RBM8A: variants seen among roughly 807,000 people sequenced by gnomAD.
RBM8A encodes the protein RNA-binding protein 8A.
Under a neutral mutation model 25.1 loss-of-function variants are expected in RBM8A, and 8 were observed. The observed-to-expected ratio is 0.32, with a 90% CI of 0.19 to 0.58. The LOEUF (loss-of-function observed/expected upper bound fraction) is 0.58, where lower values mean the gene tolerates loss of function less well. Ranked by LOEUF, RBM8A falls within the 20% of genes least tolerant of loss-of-function variation. RBM8A has a pLI of 0.88. For missense variants in RBM8A, 114 were observed against 236.8 expected, an observed-to-expected ratio of 0.48 and a Z score of 3.40; for synonymous variants, 66 against 80.0, an observed-to-expected ratio of 0.82 and a Z score of 0.94.
rs1647834005 is a variant in RBM8A at position 145,922,409 on chromosome 1, T to C, written c.*3473A>G. 1 of 152,338 alleles carries C rather than the reference T, an allele frequency of 6.6e-6. No individual in the cohort carries two copies. Among genetic ancestry groups the C allele is most frequent in the East Asian group, 1.9e-4 (1 of 5,192 alleles). The allele number at this position is 152,338 out of a possible 1,614,324, so 9.4% of individuals were successfully genotyped here. ...ACTTTTTGTTTCAGTCTGCCTGTTT[T>C]ACTTTGTTTTTTTCTGAGTCTCGGC... On this transcript the variant is annotated 3_prime_UTR_variant, in exon 6 of 6. Coordinates refer to ENST00000583313, the MANE Select transcript of RBM8A (RefSeq NM_005105.5).
At chr1:145,927,251 G>C in intron 1 of RBM8A, 109 bp downstream of exon 1, 2 of 1,466,802 alleles carry the variant, frequency 1.4e-6, no homozygotes, top group Non-Finnish European at 1.9e-6. Context: ...CCCAAGACCC[G>C]GTTCCTCGAT....
chr1:145,926,665 T>C (rs1249033501), intron 3 of RBM8A, 47 bp from the exon 4 acceptor site: 4 of 1,612,912 alleles, frequency 2.5e-6, no homozygotes, highest in African/African-American at 2.7e-5. Flanking sequence ...AGAGACACTT[T>C]AAGCAGGCTC....
At position 145,926,862 on chromosome 1, in the gene RBM8A, C is replaced by G. The variant is rs782807758; in HGVS notation, c.152G>C (p.Arg51Pro). Reference sequence around the variant, plus strand: ...CTGCTCCACGCTGTCATAATCCTCACGCATCCGCGCTCGGGACCCCTCTTC... The same window carrying G: ...CTGCTCCACGCTGTCATAATCCTCAGGCATCCGCGCTCGGGACCCCTCTTC... Reference protein sequence around the residue: ...GSEEGSRARMREDYDSVEQDG... With the variant: ...GSEEGSRARMPEDYDSVEQDG... Residue 51 changes from arginine (R) to proline (P), a missense_variant, in exon 3 of 6, where the codon CGT (arginine) becomes CCT (proline). Transcript: ENST00000583313. 2 of 1,614,154 alleles carry G rather than the reference C, an allele frequency of 1.2e-6. No individual in the cohort carries two copies. The highest frequency in any genetic ancestry group is 1.7e-6 in the Non-Finnish European group (2 of 1,180,030).
Position 145,926,632 on chromosome 1 carries a change from G to A in RBM8A, c.206-14C>T. 1 of 1,613,864 alleles carries A rather than the reference G, an allele frequency of 6.2e-7. No homozygotes were observed. Among genetic ancestry groups the A allele is most frequent in the South Asian group, 1.1e-5 (1 of 91,066 alleles). On this transcript the variant is annotated splice_polypyrimidine_tract_variant and intron_variant, in intron 3 of 5. Coordinates refer to ENST00000583313, the MANE Select transcript of RBM8A (RefSeq NM_005105.5). ...AGCCTTCAACAGCTGTTGGGGGACG[G>A]GGGGAAGTTGTATGAGTACATGAGA...
chr1:145,925,850 T>C lies in RBM8A; in HGVS notation c.*32A>G, dbSNP rs1648121069. 9 of 1,599,450 alleles carry C rather than the reference T, an allele frequency of 5.6e-6. No individual in the cohort carries two copies. The highest frequency in any genetic ancestry group is 7.7e-6 in the Non-Finnish European group (9 of 1,168,106). ...CAAGGCTGCATGGTCAAATGGAATCTTGAAGAGAACACCTGGACAACAGAG... is the reference window on the plus strand; with the variant it reads ...CAAGGCTGCATGGTCAAATGGAATCCTGAAGAGAACACCTGGACAACAGAG... On this transcript the variant is annotated 3_prime_UTR_variant, in exon 6 of 6. Transcript: ENST00000583313.
chr1:145,926,398 T>C, intron 4 of RBM8A, 84 bp downstream of exon 4: 1 of 1,551,786 alleles, frequency 6.4e-7, no homozygotes, highest in Non-Finnish European at 8.7e-7. Context: ...ACTTTGCTCT[T>C]GGCCAACCAC....
chr1:145,926,277 T>C (rs1648152273), intron 4 of RBM8A, 100 bp from the exon 5 acceptor site: 1 of 1,518,648 alleles, frequency 6.6e-7, no homozygotes, highest in Non-Finnish European at 9.0e-7. Flanking sequence ...ATCTACACAC[T>C]TTAAACAATG....
Position 145,926,751 on chromosome 1 carries a change from AT to A in RBM8A, c.205+57del, listed in dbSNP as rs1648182112. The stretch of plus-strand genomic sequence containing the variant: ...CATTCCTACTGCGTTTAACTATTTT[AT>A]TGGTTTCTAACTACTACCACAGACA... On this transcript the variant is annotated intron_variant, in intron 3 of 5. Transcript: ENST00000583313. 7 of 1,613,732 alleles carry A rather than the reference AT, an allele frequency of 4.3e-6. No homozygotes were observed. In the Admixed American group the frequency reaches 1.2e-4, roughly 27 times the overall value.
chr1:145,927,127 A>C (rs782492073), intron 1 of RBM8A, 50 bp from the exon 2 acceptor site: 1 of 1,597,886 alleles, frequency 6.3e-7, no homozygotes, highest in East Asian at 2.2e-5. Flanking sequence ...GTCATTTGTA[A>C]CAATCGTCTC....
intron 3 of RBM8A, 80 bp downstream of exon 3, chr1:145,926,729 T>C: frequency 6.2e-7 from 1 of 1,613,762 alleles, no homozygotes; most frequent in Non-Finnish European, 8.5e-7. Context: ...CTGAACCCAT[T>C]CCTACTGCGT....
chr1:145,927,205 C>G, intron 1 of RBM8A, 128 bp from the exon 2 acceptor site: 1 of 1,462,592 alleles, frequency 6.8e-7, no homozygotes, highest in Non-Finnish European at 9.4e-7. Flanking sequence ...CGGTCACGCC[C>G]TCCCTTCTCC....
chr1:145,927,287 A>G (rs1240292787), intron 1 of RBM8A, 73 bp downstream of exon 1: 1 of 1,531,302 alleles, frequency 6.5e-7, no homozygotes, highest in Non-Finnish European at 8.9e-7. Context: ...CGAGGAAAAA[A>G]GAGTAAATTT....
chr1:145,927,162 C>G, intron 1 of RBM8A, 85 bp from the exon 2 acceptor site: 1 of 1,541,952 alleles, frequency 6.5e-7, no homozygotes, highest in Non-Finnish European at 8.9e-7. Flanking sequence ...ACCAGCAAGC[C>G]GACCCACACC....
rs1327167813 is a variant in RBM8A at position 145,925,432 on chromosome 1, C to G, written c.*450G>C. On this transcript the variant is annotated 3_prime_UTR_variant, in exon 6 of 6. Transcript: ENST00000583313. Reference sequence around the variant, plus strand: ...CTAGCCCAGGTAACACAGCAAGACCCCATCTCTACAAAAATATTAAAAATT... The same window carrying G: ...CTAGCCCAGGTAACACAGCAAGACCGCATCTCTACAAAAATATTAAAAATT... The G allele has an allele frequency of 2.8e-6, 1 of 361,104 alleles. No homozygotes were observed. The highest frequency in any genetic ancestry group is 2.1e-5 in the African/African-American group (1 of 46,720). The allele number at this position is 361,104 out of a possible 1,614,324, so 22.4% of individuals were successfully genotyped here. A position where few individuals can be genotyped will look rare whatever the true frequency, so the allele number is the denominator to read the frequency against.
rs587661756 is a variant in RBM8A, at chr1:145,923,947, T to G, written c.*1935A>C. ...GTTCCAAGATTTAACAAACTTACTG[T>G]TCAGCATCATATTCAAGCCTAAAAG... On this transcript the variant is annotated 3_prime_UTR_variant, in exon 6 of 6. Transcript: ENST00000583313. 8.2e-6 allele frequency: 5 copies of G among 607,658 alleles called. No individual in the cohort carries two copies. In the South Asian group the frequency reaches 9.8e-5, roughly 12 times the overall value. 37.6% of individuals were successfully genotyped at this position (607,658 alleles called of 1,614,324 possible). A position where few individuals can be genotyped will look rare whatever the true frequency, so the allele number is the denominator to read the frequency against.
chr1:145,922,723 G>A lies in RBM8A; in HGVS notation c.*3159C>T, dbSNP rs1246721321. On this transcript the variant is annotated 3_prime_UTR_variant, in exon 6 of 6. Coordinates refer to ENST00000583313, the MANE Select transcript of RBM8A (RefSeq NM_005105.5). Reference sequence around the variant, plus strand: ...AAAATAAAAAATTTAATAATGTCACGTTAGAGTGGTAAGGGCTTAGGGGTA... The same window carrying A: ...AAAATAAAAAATTTAATAATGTCACATTAGAGTGGTAAGGGCTTAGGGGTA... 2.0e-5 allele frequency: 3 copies of A among 152,064 alleles called. No individual in the cohort carries two copies. Among genetic ancestry groups the A allele is most frequent in the Non-Finnish European group, 2.9e-5 (2 of 68,014 alleles). The allele number at this position is 152,064 out of a possible 1,614,324, so 9.4% of individuals were successfully genotyped here.
intron 1 of RBM8A, 140 bp from the exon 2 acceptor site, chr1:145,927,217 G>T: frequency 6.9e-7 from 1 of 1,452,856 alleles, no homozygotes; most frequent in South Asian, 1.2e-5. Flanking sequence ...CCCTTCTCCT[G>T]AAGGGGGCGG....
chr1:145,925,579 G>T lies in RBM8A; in HGVS notation c.*303C>A, dbSNP rs1648099198. The T allele has an allele frequency of 2.8e-6, 1 of 361,012 alleles. No individual in the cohort carries two copies. Among genetic ancestry groups the T allele is most frequent in the African/African-American group, 2.1e-5 (1 of 46,820 alleles). The allele number at this position is 361,012 out of a possible 1,614,324, so 22.4% of individuals were successfully genotyped here. ...TATGATCAGCTGCAATCCACCCTGG[G>T]TAACACAGCAAGACTCTATCTCAAA... On this transcript the variant is annotated 3_prime_UTR_variant, in exon 6 of 6. Coordinates refer to ENST00000583313, the MANE Select transcript of RBM8A (RefSeq NM_005105.5).
At position 145,924,935 on chromosome 1, in the gene RBM8A, A is replaced by G. The variant is rs1553755572; in HGVS notation, c.*947T>C. On this transcript the variant is annotated 3_prime_UTR_variant, in exon 6 of 6. Coordinates refer to ENST00000583313, the MANE Select transcript of RBM8A (RefSeq NM_005105.5). Reference sequence around the variant, plus strand: ...TTCATCCTCTGCTGGACACCTTATTACCTACTGGGTATGTGGTACTGGTTC... The same window carrying G: ...TTCATCCTCTGCTGGACACCTTATTGCCTACTGGGTATGTGGTACTGGTTC... 1 of 297,116 alleles carries G rather than the reference A, an allele frequency of 3.4e-6. No homozygotes were observed. Among genetic ancestry groups the G allele is most frequent in the Non-Finnish European group, 6.2e-6 (1 of 160,312 alleles). The allele number at this position is 297,116 out of a possible 1,614,324, so 18.4% of individuals were successfully genotyped here. A position where few individuals can be genotyped will look rare whatever the true frequency, so the allele number is the denominator to read the frequency against.
Sources: allele counts gnomAD v4.1 joint callset, GRCh38; gene constraint gnomAD v4.1.1; transcripts MANE v1.5; gene names NCBI Gene and HGNC (gene_info 2026-07-23, HGNC 2026-07-21).